The following NRG2 variants were observed in gnomAD, a reference collection of about 807,000 sequenced individuals.
NRG2 encodes the protein neuregulin 2.
Under a neutral mutation model 73.9 loss-of-function variants are expected in NRG2, and 27 were observed. The observed-to-expected ratio is 0.37, with a 90% confidence interval of 0.27 to 0.50. The LOEUF is 0.50. Ranked by LOEUF, NRG2 falls within the 20% of genes least tolerant of loss-of-function variation. The pLI, the probability that NRG2 is intolerant of heterozygous loss-of-function variation, is 0.96. For missense variants in NRG2, 1,126 were observed against 1,210.1 expected (o/e 0.93, Z 1.03); for synonymous variants, 532 against 541.0 (o/e 0.98, Z 0.23).
intron 1 of NRG2, among the ~76,000 whole-genome samples, chr5:139,962,995 AC>A (rs2126506188): frequency 6.6e-6 from 1 of 152,290 alleles, no homozygotes; most frequent in Non-Finnish European, 1.5e-5. Flanking sequence ...TTCAAGATTG[AC>A]CTTCTCCAGG....
At chr5:139,974,556 A>G (rs1190365951) in intron 1 of NRG2, among the ~76,000 whole-genome samples, 4 of 152,206 alleles carry the variant, frequency 2.6e-5, no homozygotes, top group Non-Finnish European at 5.9e-5. Flanking sequence ...ACATGAGGCA[A>G]TCGCACACTC....
intron 2 of NRG2, among the ~76,000 whole-genome samples, chr5:139,884,667 C>T (rs1467913267): frequency 6.6e-6 from 1 of 152,164 alleles, no homozygotes; most frequent in Non-Finnish European, 1.5e-5. Context: ...GACAAGGTGT[C>T]TACCAGATTC....
rs954495131 is a variant in NRG2 at position 139,864,385 on chromosome 5, C to CTTTTT, written c.1189+1159_1189+1163dup. On this transcript the variant is annotated intron_variant, in intron 5 of 9. Coordinates refer to ENST00000361474, the MANE Select transcript of NRG2 (RefSeq NM_004883.3). ...TTTCTTTCTTCTCCTTCTTCTTCTT[C>CTTTTT]TTTTTTTTTTTTTTTTGCAAACTGT... is the stretch of plus-strand genomic sequence containing the variant. Among the ~76,000 whole-genome samples the CTTTTT allele has an allele frequency of 3.3e-4, 44 of 134,600 alleles. No individual in the cohort carries two copies. In the South Asian group the frequency reaches 6.4e-3, roughly 20 times the overall value. 88.3% of individuals were successfully genotyped at this position (134,600 alleles called of 152,430 possible). A position where few individuals can be genotyped will look rare whatever the true frequency, so the allele number is the denominator to read the frequency against.
Position 140,010,436 on chromosome 5 carries a change from C to T in NRG2, c.700+31934G>A, listed in dbSNP as rs1759271235. Among the ~76,000 whole-genome samples, 9 of 152,092 alleles carry T rather than the reference C, an allele frequency of 5.9e-5. 1 individual carries two copies. The South Asian group carries it at 1.9e-3, about 32-fold the overall frequency. Reference sequence around the variant, plus strand: ...GGTGATAATGGCGTGTCAATGTAGGCTTATCAATTGTAACAACAGTAATTG... The same window carrying T: ...GGTGATAATGGCGTGTCAATGTAGGTTTATCAATTGTAACAACAGTAATTG... On this transcript the variant is annotated intron_variant, in intron 1 of 9. Transcript: ENST00000361474.
intron 9 of NRG2, among the ~76,000 whole-genome samples, chr5:139,849,717 C>T (rs1200120075): frequency 2.0e-5 from 3 of 152,102 alleles, no homozygotes; most frequent in Non-Finnish European, 4.4e-5. Context: ...CGCCTGACTC[C>T]TCCCTCTTCC....
At chr5:139,991,425 T>C (rs1757619433) in intron 1 of NRG2, among the ~76,000 whole-genome samples, 1 of 152,110 alleles carries the variant, frequency 6.6e-6, no homozygotes, top group Non-Finnish European at 1.5e-5. Context: ...TTTTAAGTTA[T>C]GGGGTGTTTT....
chr5:139,938,905 A>AAAAGAAAGAAAGAAAGAAAG (rs1164805368), intron 1 of NRG2, among the ~76,000 whole-genome samples: 30 of 75,562 alleles, frequency 4.0e-4, no homozygotes, highest in Non-Finnish European at 5.8e-4. Context: ...AGAAAGAAAG[A>AAAAGAAAGAAAGAAAGAAAG]AAAGAAAGAA....
At chr5:139,909,525 T>G (rs382286) in intron 1 of NRG2, among the ~76,000 whole-genome samples, 7,969 of 152,272 alleles carry the variant, frequency 0.052, 745 homozygotes, top group African/African-American at 0.18. Flanking sequence ...TCCATCCCAG[T>G]TGAAGACATC....
intron 1 of NRG2, among the ~76,000 whole-genome samples, chr5:140,029,028 A>G (rs1487226468): frequency 6.6e-6 from 1 of 152,238 alleles, no homozygotes. Flanking sequence ...AAACTTTGAA[A>G]TGACCTTGTC....
chr5:140,010,143 CA>C (rs1759242291), intron 1 of NRG2, among the ~76,000 whole-genome samples: 4 of 152,014 alleles, frequency 2.6e-5, no homozygotes, highest in African/African-American at 9.7e-5. Flanking sequence ...ACTAAAAATA[CA>C]AAAATTAGAT....
intron 1 of NRG2, among the ~76,000 whole-genome samples, chr5:139,908,368 T>C (rs1431459746): frequency 6.6e-6 from 1 of 152,182 alleles, no homozygotes; most frequent in Non-Finnish European, 1.5e-5. Flanking sequence ...AAATATTTCC[T>C]TAGAGCCCTT....
At chr5:139,893,755 T>C (rs897666627) in intron 1 of NRG2, among the ~76,000 whole-genome samples, 1 of 152,186 alleles carries the variant, frequency 6.6e-6, no homozygotes, top group African/African-American at 2.4e-5. Flanking sequence ...GGTGTGGGGA[T>C]GTGGGGAGGT....
rs936231858 is a variant in NRG2 at position 139,960,284 on chromosome 5, G to A, written c.701-72773C>T. Among the ~76,000 whole-genome samples, 3 of 152,300 alleles carry A rather than the reference G, an allele frequency of 2.0e-5. No homozygotes were observed. In the East Asian group the frequency reaches 5.8e-4, roughly 29 times the overall value. On this transcript the variant is annotated intron_variant, in intron 1 of 9. Transcript: ENST00000361474. ...AATCCTAGCAGTTTGGGAGGTCGAGGCGGGCAGGTCACCTGAGGTCGGGAG... is the reference window on the plus strand; with the variant it reads ...AATCCTAGCAGTTTGGGAGGTCGAGACGGGCAGGTCACCTGAGGTCGGGAG...
At chr5:139,939,230 TCC>T (rs1453317828) in intron 1 of NRG2, among the ~76,000 whole-genome samples, 5 of 146,876 alleles carry the variant, frequency 3.4e-5, no homozygotes, top group African/African-American at 5.2e-5. Flanking sequence ...CTTCCTTCCT[TCC>T]TTCCTTCCTT....
intron 1 of NRG2, among the ~76,000 whole-genome samples, chr5:139,980,203 G>A (rs1756686255): frequency 2.0e-5 from 3 of 152,134 alleles, no homozygotes; most frequent in Admixed American, 2.0e-4. Context: ...CAGCAGTCCT[G>A]GGGGCCAGGG....
chr5:140,001,451 T>C (rs569826265), intron 1 of NRG2, among the ~76,000 whole-genome samples: 35 of 152,316 alleles, frequency 2.3e-4, no homozygotes, highest in South Asian at 1.2e-3. Context: ...TATAGCATTG[T>C]ACCTTATATG....
At chr5:139,913,744 C>T (rs1425193117) in intron 1 of NRG2, among the ~76,000 whole-genome samples, 1 of 152,218 alleles carries the variant, frequency 6.6e-6, no homozygotes, top group Non-Finnish European at 1.5e-5. Flanking sequence ...AGAGGGAGGA[C>T]AACACTTACA....
At position 139,871,687 on chromosome 5, in the gene NRG2, C is replaced by T. The variant is rs758359005; in HGVS notation, c.1112+34G>A. ...CTGACCCAGCATCTCCTACCCTGTTCTTGCTCCCATGCCCACCCCTACTGG... is the reference window on the plus strand; with the variant it reads ...CTGACCCAGCATCTCCTACCCTGTTTTTGCTCCCATGCCCACCCCTACTGG... On this transcript the variant is annotated intron_variant, in intron 4 of 9. Transcript: ENST00000361474. 17 of 1,612,440 alleles carry T rather than the reference C, an allele frequency of 1.1e-5. No individual in the cohort carries two copies. In the South Asian group the frequency reaches 1.8e-4, roughly 17 times the overall value.
At chr5:140,030,335 G>T (rs1332443257) in intron 1 of NRG2, among the ~76,000 whole-genome samples, 1 of 152,152 alleles carries the variant, frequency 6.6e-6, no homozygotes, top group African/African-American at 2.4e-5. Flanking sequence ...CTAGTTTTAG[G>T]TGATCCCTTT....
Sources: gnomAD v4.1 joint callset for allele counts (sites outside exome capture counted in the v4.1 genomes callset) on GRCh38, gnomAD v4.1.1 for gene constraint, MANE v1.5 for transcripts, NCBI Gene and HGNC (gene_info 2026-07-23, HGNC 2026-07-21) for gene names.